The following CACNA1C variants were observed in gnomAD, a reference collection of about 807,000 sequenced individuals.
CACNA1C encodes the protein voltage-dependent L-type calcium channel subunit alpha-1C.
CACNA1C carries 30 observed loss-of-function variants against 229.0 expected under a neutral mutation model. The ratio of observed to expected loss-of-function variants is 0.13; its 90% CI spans 0.10 to 0.18. The LOEUF is 0.18. Among genes scored for constraint, CACNA1C ranks in the 10% least tolerant of loss-of-function variants. CACNA1C has a pLI of 1.00. For missense variants in CACNA1C, 1,658 were observed against 2,845.0 expected (o/e 0.58, Z 9.49); for synonymous variants, 1,114 against 1,132.5 (o/e 0.98, Z 0.33).
chr12:2,195,626 T>G (rs2097375917), intron 3 of CACNA1C, among the ~76,000 whole-genome samples: 1 of 152,022 alleles, frequency 6.6e-6, no homozygotes, highest in Non-Finnish European at 1.5e-5. Flanking sequence ...GAAGCAGGGG[T>G]AGGGATGAAG....
In CACNA1C at chr12:2,347,419, T is replaced by C. The variant is rs557780599; in HGVS notation, c.478-101557T>C. Among the ~76,000 whole-genome samples the C allele has an allele frequency of 5.6e-3, 859 of 152,334 alleles. 4 individuals are homozygous for C. The highest frequency in any genetic ancestry group is 9.8e-3 in the Non-Finnish European group (669 of 68,024). On this transcript the variant is annotated intron_variant, in intron 3 of 46. Transcript: ENST00000399655. The stretch of plus-strand genomic sequence containing the variant: ...TGCTGACAACTGTTTAAACTTATCC[T>C]TTCTGGAGGGAGATGGGGAAAGGAA...
intron 4 of CACNA1C, among the ~76,000 whole-genome samples, chr12:2,450,291 AC>A (rs2099348958): frequency 6.6e-6 from 1 of 152,162 alleles, no homozygotes; most frequent in African/African-American, 2.4e-5. Context: ...GCGGTGGCTC[AC>A]ACCTGTAATC....
chr12:2,316,705 CAT>C (rs2095708888), intron 3 of CACNA1C, among the ~76,000 whole-genome samples: 3 of 152,210 alleles, frequency 2.0e-5, no homozygotes, highest in African/African-American at 7.2e-5. Context: ...ACCATGAACT[CAT>C]TAGTTCACCA....
At chr12:2,557,020 C>T (rs762854206) in intron 11 of CACNA1C, 43 bp downstream of exon 11, 3 of 1,579,932 alleles carry the variant, frequency 1.9e-6, no homozygotes, top group Non-Finnish European at 8.7e-7. Flanking sequence ...CTGCCACCAG[C>T]TCTGTCTTCA....
At chr12:2,220,062 T>G (rs1599560934) in intron 3 of CACNA1C, among the ~76,000 whole-genome samples, 1 of 152,322 alleles carries the variant, frequency 6.6e-6, no homozygotes, top group East Asian at 1.9e-4. Context: ...GCATCCAGAA[T>G]CAGCACAAGA....
chr12:1,983,771 T>G (rs543590976), intron 1 of CACNA1C, among the ~76,000 whole-genome samples: 1 of 152,062 alleles, frequency 6.6e-6, no homozygotes, highest in Non-Finnish European at 1.5e-5. Flanking sequence ...TCCATATACT[T>G]GCTGTTTTCT....
rs905653727 is a variant in CACNA1C at position 2,575,853 on chromosome 12, G to A, written c.1896-5737G>A. Reference sequence around the variant, plus strand: ...AGGACCTGGCCCTGAGCTCTTTGAAGCAAAAGGTTCATGAGATGAAAGTTC... The same window carrying A: ...AGGACCTGGCCCTGAGCTCTTTGAAACAAAAGGTTCATGAGATGAAAGTTC... On this transcript the variant is annotated intron_variant, in intron 13 of 46. Coordinates refer to ENST00000399655, the MANE Select transcript of CACNA1C (RefSeq NM_000719.7). The surrounding 1 kb of genome is among the most constrained non-coding windows in gnomAD (Gnocchi z 4.0). Among the ~76,000 whole-genome samples the A allele has an allele frequency of 1.8e-4, 27 of 152,168 alleles. No homozygotes were observed. The highest frequency in any genetic ancestry group is 3.4e-4 in the Non-Finnish European group (23 of 68,022).
intron 1 of CACNA1C, among the ~76,000 whole-genome samples, chr12:2,057,080 T>C (rs934697478): frequency 6.6e-6 from 1 of 152,198 alleles, no homozygotes; most frequent in African/African-American, 2.4e-5. Context: ...CAGTGCTTTG[T>C]AAATGAAATG....
intron 1 of CACNA1C, among the ~76,000 whole-genome samples, chr12:2,033,202 G>C (rs527975847): frequency 6.6e-6 from 1 of 152,262 alleles, no homozygotes; most frequent in South Asian, 2.1e-4. Context: ...GGTGTGGACA[G>C]GATGTCCCAG....
chr12:2,674,433 CAG>C, intron 38 of CACNA1C, 106 bp from the exon 39 acceptor site: 1 of 1,445,952 alleles, frequency 6.9e-7, no homozygotes, highest in East Asian at 2.6e-5. Flanking sequence ...ACTGATGAGT[CAG>C]GGTTGCGTGG....
At chr12:2,239,246 C>T (rs558197540) in intron 3 of CACNA1C, among the ~76,000 whole-genome samples, 3 of 152,264 alleles carry the variant, frequency 2.0e-5, no homozygotes, top group Admixed American at 6.5e-5. Context: ...CAGAGCACTC[C>T]GGTTTGGTCC....
Position 2,560,848 on chromosome 12 carries a change from T to TAAAAAAAAAAAAAAA in CACNA1C, c.1508+3880_1508+3894dup, listed in dbSNP as rs36012443. Among the ~76,000 whole-genome samples, 2 of 113,096 alleles carry TAAAAAAAAAAAAAAA rather than the reference T, an allele frequency of 1.8e-5. 1 individual carries two copies. The highest frequency in any genetic ancestry group is 3.5e-5 in the Non-Finnish European group (2 of 57,968). The allele number at this position is 113,096 out of a possible 152,430, so 74.2% of individuals were successfully genotyped here. On this transcript the variant is annotated intron_variant, in intron 11 of 46. Coordinates refer to ENST00000399655, the MANE Select transcript of CACNA1C (RefSeq NM_000719.7). ...CTGTGGTGTTTGTTGTTGGTTCTGG[T>TAAAAAAAAAAAAAAA]AAAAAAAAAAAAAAAAAAAAAAAGT...
chr12:2,550,508 T>C (rs767881612), intron 10 of CACNA1C: 11 of 1,337,424 alleles, frequency 8.2e-6, no homozygotes, highest in Admixed American at 4.0e-5. Flanking sequence ...ATGACTGGCA[T>C]GTGGGTCCTT....
intron 34 of CACNA1C, among the ~76,000 whole-genome samples, chr12:2,658,808 C>T (rs2095555147): frequency 6.6e-6 from 1 of 151,142 alleles, no homozygotes; most frequent in Non-Finnish European, 1.5e-5. Context: ...CTTGAGTAGG[C>T]CTAGGCTAAT....
chr12:2,363,857 G>T (rs2097647707), intron 3 of CACNA1C, among the ~76,000 whole-genome samples: 1 of 152,214 alleles, frequency 6.6e-6, no homozygotes, highest in Non-Finnish European at 1.5e-5. Flanking sequence ...GCACAGTTTG[G>T]AAGGGAGAAG....
chr12:2,605,364 C>T lies in CACNA1C; in HGVS notation c.3048+196C>T, dbSNP rs2074838567. Reference sequence around the variant, plus strand: ...TAACAGAGGCAGCCATCCCAAGTGTCTGCCCTAAGCAGAATGTGCCAAAGG... The same window carrying T: ...TAACAGAGGCAGCCATCCCAAGTGTTTGCCCTAAGCAGAATGTGCCAAAGG... On this transcript the variant is annotated intron_variant, in intron 23 of 46. Coordinates refer to ENST00000399655, the MANE Select transcript of CACNA1C (RefSeq NM_000719.7). The surrounding 1 kb of genome is among the most constrained non-coding windows in gnomAD (Gnocchi z 6.2). Among the ~76,000 whole-genome samples, 1 of 152,216 alleles carries T rather than the reference C, an allele frequency of 6.6e-6. No individual in the cohort carries two copies. The highest frequency in any genetic ancestry group is 2.4e-5 in the African/African-American group (1 of 41,452).
chr12:2,431,313 G>A (rs369265265), intron 3 of CACNA1C, among the ~76,000 whole-genome samples: 2 of 152,154 alleles, frequency 1.3e-5, no homozygotes, highest in African/African-American at 2.4e-5. Flanking sequence ...ATACTCCAAC[G>A]TCTTCATTAT....
intron 21 of CACNA1C, among the ~76,000 whole-genome samples, chr12:2,598,046 T>C (rs1195439175): frequency 1.3e-5 from 2 of 152,352 alleles, no homozygotes; most frequent in Admixed American, 1.3e-4. Flanking sequence ...ACAGGCCTAC[T>C]GTGAGATGTG....
rs140618269 is a variant in CACNA1C, at chr12:2,538,205, C to T, written c.1391-11738C>T. On this transcript the variant is annotated intron_variant, in intron 9 of 46. Coordinates refer to ENST00000399655, the MANE Select transcript of CACNA1C (RefSeq NM_000719.7). ...GATCATAATTATGGTGATGGCAGAG[C>T]GCACTTCTATTGTGCCTTTTTAATA... 9.9e-5 allele frequency among the ~76,000 whole-genome samples: 15 copies of T among 152,280 alleles called. No homozygotes were observed. In the East Asian group the frequency reaches 1.4e-3, roughly 14 times the overall value.
Sources: allele counts gnomAD v4.1 joint callset (sites outside exome capture counted in the v4.1 genomes callset), GRCh38; gene constraint gnomAD v4.1.1; non-coding constraint Gnocchi (gnomAD v3.1); transcripts MANE v1.5; gene names NCBI Gene and HGNC (gene_info 2026-07-23, HGNC 2026-07-21).